Variants in THOC3 observed in about 807,000 individuals in gnomAD.
THOC3 encodes the protein TEX1 homolog.
In THOC3, 4 loss-of-function variants were observed where a neutral mutation model predicts 23.3. The ratio of observed to expected loss-of-function variants is 0.17; its 90% confidence interval spans 0.08 to 0.39. The LOEUF (loss-of-function observed/expected upper bound fraction) is 0.39, where lower values mean the gene tolerates loss of function less well. Among genes scored for constraint, THOC3 ranks in the 10% least tolerant of loss-of-function variants. The pLI, the probability that THOC3 is intolerant of heterozygous loss-of-function variation, is 1.00. For missense variants in THOC3, 64 were observed against 359.4 expected (o/e 0.18, Z 6.65); for synonymous variants, 27 against 141.5 (o/e 0.19, Z 5.74).
intron 2 of THOC3, 177 bp from the exon 3 acceptor site, chr5:175,965,332 C>G: frequency 1.0e-6 from 1 of 997,222 alleles, no homozygotes; most frequent in Non-Finnish European, 1.5e-6. Flanking sequence ...CTTTCATCTA[C>G]ACATTTCCCC....
At chr5:175,965,207 A>C in intron 2 of THOC3, 52 bp from the exon 3 acceptor site, 1 of 1,612,330 alleles carries the variant, frequency 6.2e-7, no homozygotes, top group Non-Finnish European at 8.5e-7. Flanking sequence ...ATAATCTTCC[A>C]CAAGTTTATT....
chr5:175,960,120 CAT>C lies in THOC3; in HGVS notation c.903_904del (p.Trp302GlyfsTer5). The C allele has an allele frequency of 6.9e-7, 1 of 1,445,390 alleles. No individual in the cohort carries two copies. Among genetic ancestry groups the C allele is most frequent in the Non-Finnish European group, 9.2e-7 (1 of 1,081,748 alleles). 89.5% of individuals were successfully genotyped at this position (1,445,390 alleles called of 1,614,324 possible). A position where few individuals can be genotyped will look rare whatever the true frequency, so the allele number is the denominator to read the frequency against. ...GGTCGGAGACTCACACTGTACCTCC[CAT>C]AGTTTGTCCCCTACAGAAAACAATA... is the stretch of plus-strand genomic sequence containing the variant. On this transcript the variant is annotated frameshift_variant, in exon 6 of 6. Transcript: ENST00000265097. LOFTEE classifies it high-confidence loss of function.
At chr5:175,964,068 G>C (rs1386573244) in intron 3 of THOC3, among the ~76,000 whole-genome samples, 2 of 151,930 alleles carry the variant, frequency 1.3e-5, no homozygotes, top group African/African-American at 2.4e-5. Context: ...GAACAGACCT[G>C]AATTTCAGCT....
At chr5:175,965,768 T>C (rs1191419019) in intron 2 of THOC3, among the ~76,000 whole-genome samples, 1 of 152,242 alleles carries the variant, frequency 6.6e-6, no homozygotes, top group Admixed American at 6.5e-5. Context: ...AGCCCCCTTT[T>C]CTCTTACACC....
At chr5:175,967,884 C>T (rs62390009) in intron 1 of THOC3, 58 bp downstream of exon 1, 221,807 of 1,407,684 alleles carry the variant, frequency 0.16, 304 homozygotes, top group Middle Eastern at 0.19. Flanking sequence ...CTCCCACTAC[C>T]GCACCTCACT....
chr5:175,959,837 C>A lies in THOC3; in HGVS notation c.*132G>T, dbSNP rs1453761304. ...CAAAGCAAAAGAATGAAATGCGCAG[C>A]CTGACCAGAGACGTTTACAATTTAT... On this transcript the variant is annotated 3_prime_UTR_variant, in exon 6 of 6. Coordinates refer to ENST00000265097, the MANE Select transcript of THOC3 (RefSeq NM_032361.4). The A allele has an allele frequency of 3.9e-6, 1 of 255,638 alleles. No homozygotes were observed. The highest frequency in any genetic ancestry group is 8.2e-5 in the Admixed American group (1 of 12,146). The allele number at this position is 255,638 out of a possible 1,614,324, so 15.8% of individuals were successfully genotyped here. A position where few individuals can be genotyped will look rare whatever the true frequency, so the allele number is the denominator to read the frequency against.
chr5:175,968,009 C>T lies in THOC3; in HGVS notation c.200G>A (p.Gly67Glu). The stretch of plus-strand genomic sequence containing the variant: ...GAAGGACCCCGAGGCTAGGCGACGC[C>T]CGTCGCAACTCCAGGCCACCGAGTG... Reference protein sequence around the residue: ...KVHSVAWSCDGRRLASGSFDK... With the variant: ...KVHSVAWSCDERRLASGSFDK... The change falls in exon 1 of 6, where the codon GGG (glycine) becomes GAG (glutamate). Residue 67 changes from glycine (G) to glutamate (E), a missense_variant. Physicochemically the swap from Gly to Glu is moderately conservative, Grantham distance 98. Coordinates refer to ENST00000265097, the MANE Select transcript of THOC3 (RefSeq NM_032361.4). 1 of 1,609,090 alleles carries T rather than the reference C, an allele frequency of 6.2e-7. No individual in the cohort carries two copies. The highest frequency in any genetic ancestry group is 8.5e-7 in the Non-Finnish European group (1 of 1,179,108).
In THOC3 at chr5:175,968,081, C is replaced by G; in HGVS notation, c.128G>C (p.Arg43Pro). The G allele has an allele frequency of 1.2e-6, 2 of 1,611,270 alleles. No individual in the cohort carries two copies. The highest frequency in any genetic ancestry group is 1.7e-5 in the Admixed American group (1 of 59,892). Residue 43 changes from arginine to proline, a missense_variant, in exon 1 of 6, where the codon CGG becomes CCG. Physicochemically the swap from Arg to Pro is moderately radical, Grantham distance 103. Transcript: ENST00000265097. ...GAACTCGCGCGTCTTGCTGTGGCCC[C>G]GGAACAGCTCCTGCATCCCAAGCAC... The part of the protein sequence containing the change: ...RYVLGMQELF[R>P]GHSKTREFLA...
chr5:175,962,655 G>C (rs1756688256), intron 3 of THOC3, among the ~76,000 whole-genome samples: 1 of 143,200 alleles, frequency 7.0e-6, no homozygotes, highest in Non-Finnish European at 1.5e-5. Context: ...CTGCCAAGCA[G>C]CTGGGAATAT....
chr5:175,966,127 C>T (rs1756762251), intron 2 of THOC3, among the ~76,000 whole-genome samples: 1 of 150,626 alleles, frequency 6.6e-6, no homozygotes, highest in African/African-American at 2.5e-5. Flanking sequence ...CTGCAGGGAG[C>T]CAATATTGTG....
chr5:175,963,074 T>C (rs1756696756), intron 3 of THOC3, among the ~76,000 whole-genome samples: 1 of 152,232 alleles, frequency 6.6e-6, no homozygotes, highest in Non-Finnish European at 1.5e-5. Context: ...GTAATGATTC[T>C]TTAAAAAAAA....
chr5:175,965,810 A>G (rs1756756260), intron 2 of THOC3, among the ~76,000 whole-genome samples: 1 of 152,222 alleles, frequency 6.6e-6, no homozygotes, highest in Admixed American at 6.5e-5. Context: ...TTCGCATGCC[A>G]ACATCACAAT....
At chr5:175,963,479 G>A (rs1756705315) in intron 3 of THOC3, among the ~76,000 whole-genome samples, 1 of 144,540 alleles carries the variant, frequency 6.9e-6, no homozygotes, top group Non-Finnish European at 1.5e-5. Flanking sequence ...TTTTGTGGAA[G>A]GAAGTTGTAA....
intron 3 of THOC3, among the ~76,000 whole-genome samples, chr5:175,963,038 C>T (rs1202168925): frequency 6.6e-6 from 1 of 152,200 alleles, no homozygotes; most frequent in South Asian, 2.1e-4. Flanking sequence ...TGGAAACACA[C>T]CAACTATGTT....
At chr5:175,962,190 T>C (rs970893585) in intron 3 of THOC3, among the ~76,000 whole-genome samples, 2 of 150,352 alleles carry the variant, frequency 1.3e-5, no homozygotes, top group Admixed American at 6.6e-5. Context: ...AGTAATATTG[T>C]TGTTCTGAGA....
chr5:175,968,046 T>C lies in THOC3; in HGVS notation c.163A>G (p.Ser55Gly), dbSNP rs1253480760. 2 of 1,611,618 alleles carry C rather than the reference T, an allele frequency of 1.2e-6. No homozygotes were observed. Among genetic ancestry groups the C allele is most frequent in the Non-Finnish European group, 1.7e-6 (2 of 1,179,808 alleles). The part of the protein sequence containing the change: ...HSKTREFLAH[S>G]AKVHSVAWSC... ...CAGGCCACCGAGTGCACCTTGGCGCTGTGCGCCAGGAACTCGCGCGTCTTG... is the reference window on the plus strand; with the variant it reads ...CAGGCCACCGAGTGCACCTTGGCGCCGTGCGCCAGGAACTCGCGCGTCTTG... Residue 55 changes from serine to glycine, a missense_variant, in exon 1 of 6, where the codon AGC (serine) becomes GGC (glycine). By Grantham distance (56) the Ser-to-Gly change is moderately conservative. Coordinates refer to ENST00000265097, the MANE Select transcript of THOC3 (RefSeq NM_032361.4).
chr5:175,962,431 C>T (rs1196554055), intron 3 of THOC3, among the ~76,000 whole-genome samples: 2 of 76,412 alleles, frequency 2.6e-5, no homozygotes, highest in African/African-American at 1.6e-4. Context: ...TACACACACA[C>T]ACACACACAC....
intron 3 of THOC3, among the ~76,000 whole-genome samples, chr5:175,962,532 TTTTTTTTGAGGTGGAA>T (rs1326124832): frequency 6.8e-6 from 1 of 147,072 alleles, no homozygotes. Flanking sequence ...TTTTTTTTTT[TTTTTTTTGAGGTGGAA>T]TCTCACTCAG....
Position 175,968,041 on chromosome 5 carries a change from G to A in THOC3, c.168C>T (p.Ala56=), listed in dbSNP as rs748155023. 8 of 1,611,314 alleles carry A rather than the reference G, an allele frequency of 5.0e-6. No homozygotes were observed. The highest frequency in any genetic ancestry group is 4.0e-5 in the African/African-American group (3 of 74,906). Residue 56 remains alanine, a synonymous_variant, in exon 1 of 6, where the codon GCC becomes GCT. Coordinates refer to ENST00000265097, the MANE Select transcript of THOC3 (RefSeq NM_032361.4). The part of the protein sequence containing the change: ...SKTREFLAHS[A]KVHSVAWSCD... ...AACTCCAGGCCACCGAGTGCACCTT[G>A]GCGCTGTGCGCCAGGAACTCGCGCG... is the stretch of plus-strand genomic sequence containing the variant.
Sources: allele counts gnomAD v4.1 joint callset (sites outside exome capture counted in the v4.1 genomes callset), GRCh38; gene constraint gnomAD v4.1.1; transcripts MANE v1.5; gene names NCBI Gene and HGNC (gene_info 2026-07-23, HGNC 2026-07-21).